The following PDE10A variants were observed in gnomAD, a reference collection of about 807,000 sequenced individuals.
PDE10A encodes cAMP and cAMP-inhibited cGMP 3',5'-cyclic phosphodiesterase 10A.
A neutral mutation model predicts 97.7 loss-of-function variants in PDE10A; 39 were observed. The ratio of observed to expected loss-of-function variants is 0.40; its 90% confidence interval spans 0.31 to 0.52. PDE10A has a LOEUF of 0.52. PDE10A is among the 20% of genes least tolerant of loss of function. The probability of loss-of-function intolerance (pLI) is 0.56; values close to 1 mark genes in which losing one functional copy is unlikely to be tolerated. For missense variants in PDE10A, 731 were observed against 1,047.8 expected (o/e 0.70, Z 4.17); for synonymous variants, 371 against 376.8 (o/e 0.98, Z 0.18).
intron 3 of PDE10A, among the ~76,000 whole-genome samples, chr6:165,461,311 G>A (rs1294378649): frequency 6.6e-6 from 1 of 152,170 alleles, no homozygotes; most frequent in East Asian, 1.9e-4. Flanking sequence ...AGCTGAGCAA[G>A]ACTGTAAATG....
intron 1 of PDE10A, among the ~76,000 whole-genome samples, chr6:165,650,412 A>T (rs377007134): frequency 6.6e-6 from 1 of 151,978 alleles, no homozygotes; most frequent in Non-Finnish European, 1.5e-5. Context: ...TTACATAAAC[A>T]GTTTCTTGTG....
intron 1 of PDE10A, among the ~76,000 whole-genome samples, chr6:165,786,414 C>T (rs1179937281): frequency 6.6e-6 from 1 of 152,224 alleles, no homozygotes; most frequent in Non-Finnish European, 1.5e-5. Flanking sequence ...TCCAAAACAT[C>T]ACTAACTCAT....
chr6:165,446,830 AG>A (rs985091191), intron 5 of PDE10A, among the ~76,000 whole-genome samples: 1 of 152,174 alleles, frequency 6.6e-6, no homozygotes, highest in Admixed American at 6.5e-5. Flanking sequence ...GAAAGAAAGA[AG>A]GAACAGGGAA....
chr6:165,406,189 A>G (rs1371049973), intron 13 of PDE10A, among the ~76,000 whole-genome samples: 6 of 149,492 alleles, frequency 4.0e-5, no homozygotes, highest in Admixed American at 2.7e-4. Flanking sequence ...GTTATTCATT[A>G]GTATCTAAGA....
intron 1 of PDE10A, among the ~76,000 whole-genome samples, chr6:165,979,757 T>C (rs1025893592): frequency 2.5e-4 from 38 of 152,142 alleles, no homozygotes; most frequent in African/African-American, 8.9e-4. Context: ...GACTGACAAA[T>C]TGAGGAATCT....
At position 165,987,615 on chromosome 6, in the gene PDE10A, G is replaced by A. The variant is rs549317973; in HGVS notation, c.-701C>T. The A allele has an allele frequency of 1.8e-3, 724 of 410,772 alleles. 1 individual carries two copies. The highest frequency in any genetic ancestry group is 3.9e-3 in the Middle Eastern group (11 of 2,834). The allele number at this position is 410,772 out of a possible 1,614,324, so 25.4% of individuals were successfully genotyped here. ...AAAGAGACAGTGAGAGAAAGAAAAA[G>A]AAAAAAAAAGGCAAGGCGCCGGGAG... On this transcript the variant is annotated 5_prime_UTR_variant, in exon 1 of 20. Transcript: ENST00000366882.
chr6:165,555,277 G>A (rs1412834612), intron 1 of PDE10A, among the ~76,000 whole-genome samples: 6 of 151,890 alleles, frequency 4.0e-5, no homozygotes, highest in South Asian at 2.1e-4. Context: ...TCTCACGTAC[G>A]CCATACACAT....
chr6:165,408,524 G>A (rs1280176732), intron 13 of PDE10A, among the ~76,000 whole-genome samples: 1 of 152,116 alleles, frequency 6.6e-6, no homozygotes, highest in Non-Finnish European at 1.5e-5. Flanking sequence ...CTTTTCAAGT[G>A]GGTAAGGTTC....
chr6:165,797,143 T>A (rs1370408574), intron 1 of PDE10A, among the ~76,000 whole-genome samples: 2 of 152,174 alleles, frequency 1.3e-5, no homozygotes, highest in Non-Finnish European at 2.9e-5. Context: ...GCGATGGAGT[T>A]CAGATGACGT....
chr6:165,891,762 A>C (rs1781806550), intron 1 of PDE10A, among the ~76,000 whole-genome samples: 2 of 152,222 alleles, frequency 1.3e-5, no homozygotes, highest in Non-Finnish European at 1.5e-5. Flanking sequence ...AGGCATCTGT[A>C]ATGTAATTCT....
chr6:165,632,059 G>C (rs1319362415), intron 1 of PDE10A, among the ~76,000 whole-genome samples: 1 of 151,950 alleles, frequency 6.6e-6, no homozygotes. Flanking sequence ...AATTAGCCAG[G>C]CATGGTGGCA....
At chr6:165,690,614 T>C (rs1464530211) in intron 1 of PDE10A, among the ~76,000 whole-genome samples, 1 of 152,138 alleles carries the variant, frequency 6.6e-6, no homozygotes, top group East Asian at 1.9e-4. Flanking sequence ...AGGATGTTCA[T>C]GGGGCTTCCA....
At chr6:165,552,122 T>C (rs1784048785) in intron 1 of PDE10A, among the ~76,000 whole-genome samples, 1 of 152,102 alleles carries the variant, frequency 6.6e-6, no homozygotes, top group Non-Finnish European at 1.5e-5. Flanking sequence ...CACTATACTC[T>C]CATTGTACCC....
At chr6:165,358,258 T>G (rs1285166998) in intron 18 of PDE10A, among the ~76,000 whole-genome samples, 1 of 152,138 alleles carries the variant, frequency 6.6e-6, no homozygotes, top group Non-Finnish European at 1.5e-5. Context: ...TAGCGAACTT[T>G]TACATAGTTC....
chr6:165,873,117 G>A (rs909497596), intron 1 of PDE10A, among the ~76,000 whole-genome samples: 3 of 152,154 alleles, frequency 2.0e-5, no homozygotes, highest in Non-Finnish European at 4.4e-5. Context: ...CAGAATGTTC[G>A]GGGGAGCAGC....
At chr6:165,726,103 T>A (rs4709977) in intron 1 of PDE10A, among the ~76,000 whole-genome samples, 1 of 151,982 alleles carries the variant, frequency 6.6e-6, no homozygotes, top group Non-Finnish European at 1.5e-5. Flanking sequence ...TTCCTGTGCA[T>A]AGGCAACGCA....
At chr6:165,938,759 AACAC>A (rs138143248) in intron 1 of PDE10A, among the ~76,000 whole-genome samples, 2 of 150,000 alleles carry the variant, frequency 1.3e-5, no homozygotes, top group African/African-American at 2.4e-5. Context: ...AAAACAAAAC[AACAC>A]ACACACACAC....
intron 1 of PDE10A, among the ~76,000 whole-genome samples, chr6:165,725,514 G>A (rs1204819055): frequency 6.6e-6 from 1 of 152,206 alleles, no homozygotes; most frequent in African/African-American, 2.4e-5. Context: ...CTGCAAGGGG[G>A]ATAAGGGAAC....
chr6:165,972,669 A>C (rs561690528), intron 1 of PDE10A, among the ~76,000 whole-genome samples: 1 of 152,278 alleles, frequency 6.6e-6, no homozygotes, highest in African/African-American at 2.4e-5. Flanking sequence ...GTGCCCCTTC[A>C]GTGAACAAAG....
Sources: allele counts gnomAD v4.1 joint callset (sites outside exome capture counted in the v4.1 genomes callset), GRCh38; gene constraint gnomAD v4.1.1; transcripts MANE v1.5; gene names NCBI Gene and HGNC (gene_info 2026-07-23, HGNC 2026-07-21).